Variants in MMUT observed in about 807,000 individuals in gnomAD.
MMUT encodes methylmalonyl-CoA mutase, mitochondrial.
A neutral mutation model predicts 79.9 loss-of-function variants in MMUT; 79 were observed. The ratio of observed to expected loss-of-function variants is 0.99; its 90% CI spans 0.82 to 1.19. The LOEUF is 1.19. Among genes scored for constraint, MMUT ranks in the 50% most tolerant of loss-of-function variants. MMUT has a pLI of 0.00. For synonymous variants in MMUT, 273 were observed against 295.7 expected (o/e 0.92, Z 0.79); for missense variants, 860 against 917.2 (o/e 0.94, Z 0.81).
At chr6:49,455,673 A>C (rs1193466147) in intron 4 of MMUT, among the ~76,000 whole-genome samples, 2 of 152,236 alleles carry the variant, frequency 1.3e-5, no homozygotes, top group East Asian at 3.8e-4. Context: ...AACTGTTGTG[A>C]AACAAATGTT....
At chr6:49,445,711 T>C (rs1205421428) in intron 8 of MMUT, among the ~76,000 whole-genome samples, 2 of 152,228 alleles carry the variant, frequency 1.3e-5, no homozygotes, top group East Asian at 3.9e-4. Context: ...GAAAAAAGTC[T>C]GTACATATTC....
At chr6:49,459,960 T>A (rs1163861085) in intron 1 of MMUT, among the ~76,000 whole-genome samples, 1 of 152,214 alleles carries the variant, frequency 6.6e-6, no homozygotes, top group Non-Finnish European at 1.5e-5. Context: ...AAGTGATGAA[T>A]AAGACAAACA....
chr6:49,436,604 C>CAA (rs35151510), intron 11 of MMUT, among the ~76,000 whole-genome samples: 5 of 110,956 alleles, frequency 4.5e-5, no homozygotes, highest in South Asian at 5.4e-4. Context: ...GACTCTGTTT[C>CAA]AAAAAAAAAA....
At chr6:49,453,044 T>TA (rs529758018) in intron 5 of MMUT, among the ~76,000 whole-genome samples, 1 of 135,340 alleles carries the variant, frequency 7.4e-6, no homozygotes, top group Non-Finnish European at 1.6e-5. Context: ...TCTTTGTTTT[T>TA]TTTTTTTTTT....
chr6:49,447,018 A>G (rs1471311466), intron 8 of MMUT, among the ~76,000 whole-genome samples: 2 of 151,892 alleles, frequency 1.3e-5, no homozygotes, highest in Non-Finnish European at 2.9e-5. Context: ...AAAAATATAT[A>G]GGTTACAACA....
intron 5 of MMUT, among the ~76,000 whole-genome samples, chr6:49,452,732 T>C (rs929317212): frequency 2.0e-5 from 3 of 152,168 alleles, no homozygotes; most frequent in African/African-American, 7.2e-5. Context: ...ACTTTGCACA[T>C]ATAAATTATT....
In MMUT at chr6:49,435,580, T is replaced by C. The variant is rs1410131488; in HGVS notation, c.2000A>G (p.His667Arg). Residue 667 changes from histidine to arginine, a missense_variant, in exon 12 of 13, where the codon CAT becomes CGT. Coordinates refer to ENST00000274813, the MANE Select transcript of MMUT (RefSeq NM_000255.4). ...VAQQAVDADV[H>R]AVGISTLAAG... is the part of the protein sequence containing the mutation. ...AGCGAGGGTGCTTATGCCCACAGCA[T>C]GCACATCCGCATCCACAGCCTGCTG... The C allele has an allele frequency of 1.2e-6, 2 of 1,614,030 alleles. No individual in the cohort carries two copies. The highest frequency in any genetic ancestry group is 2.2e-5 in the South Asian group (2 of 91,060).
rs760537903 is a variant in MMUT at position 49,444,650 on chromosome 6, T to C, written c.1665A>G (p.Ala555=). Residue 555 remains alanine, a synonymous_variant, in exon 9 of 13, where the codon GCA becomes GCG. Transcript: ENST00000274813. ...TTATATATCTTCACCTTGCCCGAGA[T>C]GCATCCACTGCAAGAGCCAGGATAT... ...DGNILALAVD[A]SRARCTVGEI... 5 of 1,612,970 alleles carry C rather than the reference T, an allele frequency of 3.1e-6. No homozygotes were observed. Among genetic ancestry groups the C allele is most frequent in the Non-Finnish European group, 3.4e-6 (4 of 1,179,052 alleles).
chr6:49,462,828 A>C (rs1226629098), intron 1 of MMUT, among the ~76,000 whole-genome samples: 1 of 152,208 alleles, frequency 6.6e-6, no homozygotes, highest in Non-Finnish European at 1.5e-5. Context: ...TGGCCAAAGA[A>C]GATACCGACA....
chr6:49,444,745 TG>T lies in MMUT; in HGVS notation c.1569del (p.Ser524AlafsTer14), dbSNP rs2127416017. On this transcript the variant is annotated frameshift_variant, in exon 9 of 13. Transcript: ENST00000274813. LOFTEE classifies it high-confidence loss of function. The stretch of plus-strand genomic sequence containing the variant: ...CGTTCAGCCAAAGCTTGATCCCTGC[TG>T]GATTTGATCTATGGAAAAAGTCAAG... Reference protein sequence around the residue: ...RQIEKLKKIKSSRDQALAERC... With the variant: ...RQIEKLKKIKXSRDQALAERC... 1 of 1,612,340 alleles carries T rather than the reference TG, an allele frequency of 6.2e-7. No individual in the cohort carries two copies. Among genetic ancestry groups the T allele is most frequent in the Middle Eastern group, 1.7e-4 (1 of 6,050 alleles).
Position 49,459,174 on chromosome 6 carries a change from G to C in MMUT, c.293C>G (p.Thr98Ser). 6.2e-7 allele frequency: 1 copy of C among 1,614,154 alleles called. No homozygotes were observed. The highest frequency in any genetic ancestry group is 8.5e-7 in the Non-Finnish European group (1 of 1,180,016). ...GGTCCAGGGCCTAAAGGTATACATG[G>C]TAGGATATGGTCCACGTGTGAATGG... is the stretch of plus-strand genomic sequence containing the variant. Reference protein sequence around the residue: ...VKPFTRGPYPTMYTFRPWTIR... With the variant: ...VKPFTRGPYPSMYTFRPWTIR... Residue 98 changes from threonine to serine, a missense_variant, in exon 2 of 13, where the codon ACC becomes AGC. Transcript: ENST00000274813.
intron 12 of MMUT, among the ~76,000 whole-genome samples, chr6:49,433,254 T>C (rs1036721235): frequency 1.1e-4 from 16 of 152,202 alleles, no homozygotes; most frequent in African/African-American, 3.9e-4. Context: ...TGTACTTCTC[T>C]CCTTCCTAAA....
In MMUT at chr6:49,457,696, C is replaced by T. The variant is rs1220944071; in HGVS notation, c.748G>A (p.Ala250Thr). 3 of 1,609,838 alleles carry T rather than the reference C, an allele frequency of 1.9e-6. No homozygotes were observed. The highest frequency in any genetic ancestry group is 2.5e-6 in the Non-Finnish European group (3 of 1,178,360). The change falls in exon 3 of 13, where the codon GCA (alanine) becomes ACA (threonine). Residue 250 changes from alanine (A) to threonine (T), a missense_variant. Ala to Thr is a moderately conservative substitution (Grantham distance 58). Coordinates refer to ENST00000274813, the MANE Select transcript of MMUT (RefSeq NM_000255.4). ...KIIADIFEYTAKHMPKFNSIS... is the reference protein window; with the variant it reads ...KIIADIFEYTTKHMPKFNSIS... ...ATAATAACCACAAAGTATACCTTTGCTGTATATTCAAATATGTCAGCAATA... is the reference window on the plus strand; with the variant it reads ...ATAATAACCACAAAGTATACCTTTGTTGTATATTCAAATATGTCAGCAATA...
intron 8 of MMUT, among the ~76,000 whole-genome samples, chr6:49,447,346 T>G (rs1242584624): frequency 6.6e-6 from 1 of 151,898 alleles, no homozygotes; most frequent in East Asian, 1.9e-4. Flanking sequence ...CATCTAAGCC[T>G]TGGTTTTAAT....
intron 5 of MMUT, among the ~76,000 whole-genome samples, chr6:49,452,434 T>C (rs1019893182): frequency 6.6e-6 from 1 of 152,068 alleles, no homozygotes; most frequent in Non-Finnish European, 1.5e-5. Context: ...CCGGGTTCAC[T>C]CCAATCTCTT....
chr6:49,441,825 A>G lies in MMUT; in HGVS notation c.1808+15T>C, dbSNP rs369131814. 264 of 1,607,908 alleles carry G rather than the reference A, an allele frequency of 1.6e-4. 1 individual carries two copies. The Middle Eastern group carries it at 2.5e-3, about 15-fold the overall frequency. ...GAAAAGATGAAATTCTGGCCTAAGA[A>G]ACCTTACATATTACCTCTTGATAGC... On this transcript the variant is annotated intron_variant, in intron 10 of 12. Transcript: ENST00000274813.
intron 6 of MMUT, 31 bp downstream of exon 6, chr6:49,451,435 G>GA (rs1358659906): frequency 1.2e-5 from 20 of 1,610,108 alleles, no homozygotes; most frequent in Non-Finnish European, 1.7e-5. Context: ...TGTAAATTCT[G>GA]AAAACAAAGT....
At chr6:49,462,639 T>C (rs942268518) in intron 1 of MMUT, among the ~76,000 whole-genome samples, 2 of 152,148 alleles carry the variant, frequency 1.3e-5, no homozygotes, top group African/African-American at 4.8e-5. Context: ...TTAACACTGT[T>C]TACACTCTTA....
At position 49,451,506 on chromosome 6, in the gene MMUT, A is replaced by G. The variant is rs894363379; in HGVS notation, c.1292T>C (p.Met431Thr). Reference protein sequence around the residue: ...VADPWGGSYMMECLTNDVYDA... With the variant: ...VADPWGGSYMTECLTNDVYDA... ...ATAAACATCATTTGTGAGACATTCC[A>G]TCATGTAAGAACCTCCCCAAGGATC... Residue 431 changes from methionine to threonine, a missense_variant, in exon 6 of 13, where the codon ATG becomes ACG. Physicochemically the swap from Met to Thr is moderately conservative, Grantham distance 81. Coordinates refer to ENST00000274813, the MANE Select transcript of MMUT (RefSeq NM_000255.4). 2 of 1,614,028 alleles carry G rather than the reference A, an allele frequency of 1.2e-6. No individual in the cohort carries two copies. Among genetic ancestry groups the G allele is most frequent in the African/African-American group, 1.3e-5 (1 of 74,938 alleles).
Sources: allele counts gnomAD v4.1 joint callset (sites outside exome capture counted in the v4.1 genomes callset), GRCh38; gene constraint gnomAD v4.1.1; transcripts MANE v1.5; gene names NCBI Gene and HGNC (gene_info 2026-07-23, HGNC 2026-07-21).